The following ERBB4 variants were observed in gnomAD, a reference collection of about 807,000 sequenced individuals.
ERBB4 encodes the protein receptor tyrosine-protein kinase erbB-4.
A neutral mutation model predicts 158.0 loss-of-function variants in ERBB4; 42 were observed. The observed-to-expected ratio is 0.27, with a 90% CI of 0.21 to 0.34. The LOEUF is 0.34. ERBB4 is among the 10% of genes least tolerant of loss of function. ERBB4 has a pLI of 1.00. For missense variants in ERBB4, 1,333 were observed against 1,624.1 expected (o/e 0.82, Z 3.08); for synonymous variants, 583 against 558.7 (o/e 1.04, Z -0.61).
intron 1 of ERBB4, among the ~76,000 whole-genome samples, chr2:212,496,285 A>C (rs1690564661): frequency 6.6e-6 from 1 of 151,798 alleles, no homozygotes; most frequent in East Asian, 1.9e-4. Context: ...ACCTGGTAAA[A>C]AAAAAAAACA....
At chr2:212,467,924 C>T (rs1471999102) in intron 1 of ERBB4, among the ~76,000 whole-genome samples, 4 of 152,194 alleles carry the variant, frequency 2.6e-5, no homozygotes, top group Non-Finnish European at 1.5e-5. Flanking sequence ...TTGGAATCTA[C>T]CTCTTGCATC....
At chr2:211,645,190 T>C (rs1020043295) in intron 16 of ERBB4, among the ~76,000 whole-genome samples, 1 of 151,788 alleles carries the variant, frequency 6.6e-6, no homozygotes, top group African/African-American at 2.4e-5. Flanking sequence ...GGGTACTTTC[T>C]CATAAAATTC....
intron 19 of ERBB4, among the ~76,000 whole-genome samples, chr2:211,573,656 C>T (rs926114424): frequency 3.3e-5 from 5 of 151,362 alleles, no homozygotes; most frequent in Admixed American, 6.6e-5. Flanking sequence ...GGTGACAGAG[C>T]GAGACTCCGT....
At chr2:211,437,749 AT>A (rs34771067) in intron 20 of ERBB4, among the ~76,000 whole-genome samples, 45,635 of 150,662 alleles carry the variant, frequency 0.3, 7,021 homozygotes, top group African/African-American at 0.34. Flanking sequence ...GCAAGAGAGC[AT>A]TTTTTTTTTC....
chr2:212,524,737 T>C (rs1197173513), intron 1 of ERBB4, among the ~76,000 whole-genome samples: 1 of 152,050 alleles, frequency 6.6e-6, no homozygotes, highest in Non-Finnish European at 1.5e-5. Flanking sequence ...GTGATACACT[T>C]ATCTCAGAAA....
At chr2:212,433,680 C>T (rs190255716) in intron 1 of ERBB4, among the ~76,000 whole-genome samples, 148 of 152,056 alleles carry the variant, frequency 9.7e-4, no homozygotes, top group Middle Eastern at 6.8e-3. Context: ...ACTATATACA[C>T]ATCGTTGGTA....
At chr2:212,180,226 T>C (rs2081814385) in intron 1 of ERBB4, among the ~76,000 whole-genome samples, 1 of 151,734 alleles carries the variant, frequency 6.6e-6, no homozygotes, top group African/African-American at 2.4e-5. Context: ...ACACTGCTGT[T>C]TTATTTATTC....
chr2:211,761,025 T>C (rs912848869), intron 4 of ERBB4, among the ~76,000 whole-genome samples: 1 of 151,576 alleles, frequency 6.6e-6, no homozygotes, highest in Non-Finnish European at 1.5e-5. Context: ...TGAAACCCCG[T>C]CTCTACTAAA....
intron 2 of ERBB4, among the ~76,000 whole-genome samples, chr2:212,046,965 T>C (rs2077275622): frequency 6.6e-6 from 1 of 152,176 alleles, no homozygotes; most frequent in Non-Finnish European, 1.5e-5. Context: ...TTTCCCAATT[T>C]GGAAGCTTAC....
intron 20 of ERBB4, among the ~76,000 whole-genome samples, chr2:211,551,652 A>T (rs2067101566): frequency 6.6e-6 from 1 of 152,106 alleles, no homozygotes; most frequent in Non-Finnish European, 1.5e-5. Context: ...CTAGACTATT[A>T]TTTTTTAAAT....
intron 20 of ERBB4, among the ~76,000 whole-genome samples, chr2:211,452,338 C>T (rs919719423): frequency 2.0e-5 from 3 of 151,984 alleles, no homozygotes; most frequent in African/African-American, 4.8e-5. Flanking sequence ...CTATCACGCC[C>T]GGCTAATTTT....
At chr2:211,951,273 C>T (rs2080867586) in intron 2 of ERBB4, among the ~76,000 whole-genome samples, 1 of 152,042 alleles carries the variant, frequency 6.6e-6, no homozygotes, top group South Asian at 2.1e-4. Context: ...GAAGCATATT[C>T]AGGTAAAAGA....
intron 1 of ERBB4, among the ~76,000 whole-genome samples, chr2:212,133,416 TG>T (rs1559561192): frequency 6.6e-4 from 97 of 145,866 alleles, no homozygotes; most frequent in Middle Eastern, 3.5e-3. Flanking sequence ...TGTTTTGTTT[TG>T]TTTTTGTTTT....
At position 211,944,275 on chromosome 2, in the gene ERBB4, A is replaced by C. The variant is rs867695189; in HGVS notation, c.421+3155T>G. ...TCATCTCAAAACTCTTGGTTACAACACTCTGTACACTTCCCATCCCCATAA... is the reference window on the plus strand; with the variant it reads ...TCATCTCAAAACTCTTGGTTACAACCCTCTGTACACTTCCCATCCCCATAA... On this transcript the variant is annotated intron_variant, in intron 3 of 27. Coordinates refer to ENST00000342788, the MANE Select transcript of ERBB4 (RefSeq NM_005235.3). Among the ~76,000 whole-genome samples, 3 of 146,176 alleles carry C rather than the reference A, an allele frequency of 2.1e-5. No homozygotes were observed. The South Asian group carries it at 6.4e-4, about 31-fold the overall frequency.
At chr2:211,509,115 T>G (rs2125608833) in intron 20 of ERBB4, among the ~76,000 whole-genome samples, 1 of 151,336 alleles carries the variant, frequency 6.6e-6, no homozygotes, top group Admixed American at 6.6e-5. Flanking sequence ...TTCTCACTCA[T>G]AAGTGGGAGT....
intron 1 of ERBB4, among the ~76,000 whole-genome samples, chr2:212,286,767 ATTTTTTTTTT>A (rs748586400): frequency 2.5e-5 from 1 of 39,560 alleles, no homozygotes; most frequent in African/African-American, 1.1e-4. Context: ...ATGAGGGTTA[ATTTTTTTTTT>A]TTTTTTTTTT....
intron 2 of ERBB4, among the ~76,000 whole-genome samples, chr2:212,066,483 T>A (rs927467104): frequency 5.3e-5 from 8 of 152,000 alleles, no homozygotes; most frequent in African/African-American, 1.9e-4. Flanking sequence ...AAAGAAACAT[T>A]GTCAAAGTAA....
intron 1 of ERBB4, among the ~76,000 whole-genome samples, chr2:212,207,908 T>G (rs557276723): frequency 6.6e-5 from 10 of 152,154 alleles, no homozygotes; most frequent in South Asian, 6.2e-4. Context: ...AAGTATATGA[T>G]CTTCTGCAAT....
intron 20 of ERBB4, among the ~76,000 whole-genome samples, chr2:211,517,446 T>G (rs189549865): frequency 6.6e-6 from 1 of 152,276 alleles, no homozygotes; most frequent in African/African-American, 2.4e-5. Flanking sequence ...AAGGGTTATT[T>G]CTTCTAAATA....
Sources: gnomAD v4.1 joint callset for allele counts (sites outside exome capture counted in the v4.1 genomes callset) on GRCh38, gnomAD v4.1.1 for gene constraint, MANE v1.5 for transcripts, NCBI Gene and HGNC (gene_info 2026-07-23, HGNC 2026-07-21) for gene names.